ANKRD44: variants seen among roughly 807,000 people sequenced by gnomAD.
ANKRD44 encodes ankyrin repeat domain 44.
In ANKRD44, 35 loss-of-function variants were observed where a neutral mutation model predicts 116.0. The observed-to-expected ratio is 0.30, with a 90% CI of 0.23 to 0.40. The LOEUF (loss-of-function observed/expected upper bound fraction) is 0.40. Ranked by LOEUF, ANKRD44 falls within the 10% of genes least tolerant of loss-of-function variation. ANKRD44 has a pLI of 1.00. For missense variants in ANKRD44, 1,014 were observed against 1,242.6 expected (o/e 0.82, Z 2.77); for synonymous variants, 435 against 461.8 (o/e 0.94, Z 0.74).
At chr2:197,173,611 A>G (rs924893594) in intron 2 of ANKRD44, among the ~76,000 whole-genome samples, 1 of 152,236 alleles carries the variant, frequency 6.6e-6, no homozygotes, top group African/African-American at 2.4e-5. Context: ...AGACCTATAT[A>G]TTGAAATGTA....
intron 2 of ANKRD44, among the ~76,000 whole-genome samples, chr2:197,164,704 T>C (rs72926656): frequency 0.11 from 16,616 of 152,242 alleles, 1,261 homozygotes; most frequent in Middle Eastern, 0.23. Flanking sequence ...TCCGCTCATT[T>C]GGGCCTGCCG....
chr2:197,079,510 C>G (rs2077746097), intron 15 of ANKRD44, among the ~76,000 whole-genome samples: 1 of 152,202 alleles, frequency 6.6e-6, no homozygotes, highest in Non-Finnish European at 1.5e-5. Flanking sequence ...AGGAGCACGG[C>G]TCCACCTTCA....
At chr2:197,039,998 G>A (rs2076880464) in intron 16 of ANKRD44, among the ~76,000 whole-genome samples, 2 of 151,614 alleles carry the variant, frequency 1.3e-5, no homozygotes, top group South Asian at 4.2e-4. Context: ...GGAGGCCGAG[G>A]CGGGCAGATC....
At chr2:197,056,174 A>G (rs1247666997) in intron 16 of ANKRD44, among the ~76,000 whole-genome samples, 2 of 152,098 alleles carry the variant, frequency 1.3e-5, no homozygotes, top group African/African-American at 4.8e-5. Context: ...CAGATTTTTT[A>G]TATCTGGAAG....
chr2:197,125,939 G>A lies in ANKRD44; in HGVS notation c.360C>T (p.Val120=). The stretch of plus-strand genomic sequence containing the variant: ...GGGGAATGATCACTTCTGCACATTT[G>A]ACAGCCTTGTTGGCTGCTGCCACAT... ...PLHVAAANKA[V]KCAEVIIPLL... The change falls in exon 5 of 28, where the codon GTC becomes GTT. Residue 120 remains valine, a synonymous_variant. Coordinates refer to ENST00000282272, the MANE Select transcript of ANKRD44 (RefSeq NM_001195144.2). 6.2e-7 allele frequency: 1 copy of A among 1,614,182 alleles called. No homozygotes were observed.
In ANKRD44 at chr2:197,186,579, C is replaced by G. The variant is rs1442146208; in HGVS notation, c.111+444G>C. ...TCCTGGGCTCAGGCAATCCTCCCAC[C>G]TGTGCCTCCATCACTATGCCCGGCT... On this transcript the variant is annotated intron_variant, in intron 2 of 27. Transcript: ENST00000282272. Among the ~76,000 whole-genome samples the G allele has an allele frequency of 3.4e-5, 5 of 148,984 alleles. No individual in the cohort carries two copies. In the Admixed American group the frequency reaches 3.4e-4, roughly 10 times the overall value.
At chr2:196,998,702 G>A (rs527603328) in intron 24 of ANKRD44, among the ~76,000 whole-genome samples, 3 of 152,252 alleles carry the variant, frequency 2.0e-5, no homozygotes, top group South Asian at 2.1e-4. Context: ...CATTGCAGAA[G>A]GGTTAGCTCT....
chr2:197,081,347 G>C (rs2077790959), intron 15 of ANKRD44, among the ~76,000 whole-genome samples: 1 of 152,136 alleles, frequency 6.6e-6, no homozygotes, highest in African/African-American at 2.4e-5. Context: ...TGTCTTCCTT[G>C]GTACATGATG....
chr2:197,308,885 C>G (rs2084155551), intron 1 of ANKRD44, among the ~76,000 whole-genome samples: 1 of 152,168 alleles, frequency 6.6e-6, no homozygotes, highest in Non-Finnish European at 1.5e-5. Flanking sequence ...GCAGAAAGTA[C>G]AAGCACCTGG....
rs1462912766 is a variant in ANKRD44, at chr2:197,099,919, C to A, written c.997G>T (p.Asp333Tyr). The A allele has an allele frequency of 5.0e-6, 8 of 1,613,934 alleles. No individual in the cohort carries two copies. Among genetic ancestry groups the A allele is most frequent in the Non-Finnish European group, 6.8e-6 (8 of 1,179,948 alleles). ...GTGTTGCCGTCCTTATCCACACAGT[C>A]AATTTCACCTCCTGAAAGAGATATT... ...QTLIQNGGEI[D>Y]CVDKDGNTPL... Residue 333 changes from aspartate (D) to tyrosine (Y), a missense_variant, in exon 10 of 28, where the codon GAC becomes TAC. Transcript: ENST00000282272.
At chr2:197,238,114 C>A (rs1384215652) in intron 1 of ANKRD44, among the ~76,000 whole-genome samples, 3 of 152,220 alleles carry the variant, frequency 2.0e-5, no homozygotes. Context: ...TTCCTGTGCT[C>A]ATGTCACAGT....
chr2:197,157,174 G>GT (rs2079839118), intron 2 of ANKRD44, among the ~76,000 whole-genome samples: 1 of 66,726 alleles, frequency 1.5e-5, no homozygotes, highest in African/African-American at 3.3e-5. Context: ...CTTACGTAAA[G>GT]TAAAAAAAGG....
chr2:197,023,445 G>T (rs1371910329), intron 17 of ANKRD44, among the ~76,000 whole-genome samples: 1 of 152,074 alleles, frequency 6.6e-6, no homozygotes, highest in African/African-American at 2.4e-5. Flanking sequence ...CCTTTCCTGG[G>T]TCTCTGTCAG....
chr2:197,192,064 A>G (rs1324767335), intron 1 of ANKRD44, among the ~76,000 whole-genome samples: 4 of 152,204 alleles, frequency 2.6e-5, no homozygotes, highest in African/African-American at 7.2e-5. Flanking sequence ...TATCCACTCC[A>G]TCCGGCTATG....
intron 12 of ANKRD44, among the ~76,000 whole-genome samples, chr2:197,087,990 A>C (rs1346449071): frequency 4.6e-5 from 7 of 152,234 alleles, no homozygotes; most frequent in Non-Finnish European, 1.0e-4. Context: ...GGTAATATAC[A>C]AATGACAAAT....
At chr2:196,997,175 C>G (rs991888203) in intron 25 of ANKRD44, among the ~76,000 whole-genome samples, 12 of 151,460 alleles carry the variant, frequency 7.9e-5, no homozygotes, top group Non-Finnish European at 1.6e-4. Flanking sequence ...AATCCTAAAT[C>G]TGAAACACTT....
intron 1 of ANKRD44, among the ~76,000 whole-genome samples, chr2:197,242,595 A>C (rs1238823149): frequency 1.3e-5 from 2 of 152,222 alleles, no homozygotes. Flanking sequence ...ACCTTAAAAA[A>C]AGGGCTCATC....
rs184649565 is a variant in ANKRD44 at position 197,297,541 on chromosome 2, C to T, written c.27+13037G>A. 4.6e-5 allele frequency among the ~76,000 whole-genome samples: 7 copies of T among 152,280 alleles called. No individual in the cohort carries two copies. In the East Asian group the frequency reaches 1.2e-3, roughly 25 times the overall value. ...TTTCCCACTTGATTATCACAACTTC[C>T]CCGTAAAGCAAGTATTATTTTACCC... On this transcript the variant is annotated intron_variant, in intron 1 of 27. Coordinates refer to ENST00000282272, the MANE Select transcript of ANKRD44 (RefSeq NM_001195144.2).
rs556751137 is a variant in ANKRD44 at position 197,015,634 on chromosome 2, G to T, written c.1723-1922C>A. On this transcript the variant is annotated intron_variant, in intron 17 of 27. Coordinates refer to ENST00000282272, the MANE Select transcript of ANKRD44 (RefSeq NM_001195144.2). ...CTTTGGTGGAAGAAGAGGCTATGGTGGTGAAGGTGGTGGCAGCAGAGGTAG... is the reference window on the plus strand; with the variant it reads ...CTTTGGTGGAAGAAGAGGCTATGGTTGTGAAGGTGGTGGCAGCAGAGGTAG... 3.1e-4 allele frequency: 175 copies of T among 560,972 alleles called. 1 individual carries two copies. In the South Asian group the frequency reaches 3.4e-3, roughly 11 times the overall value. The allele number at this position is 560,972 out of a possible 1,614,324, so 34.7% of individuals were successfully genotyped here.
Sources: allele counts gnomAD v4.1 joint callset (sites outside exome capture counted in the v4.1 genomes callset), GRCh38; gene constraint gnomAD v4.1.1; transcripts MANE v1.5; gene names NCBI Gene and HGNC (gene_info 2026-07-23, HGNC 2026-07-21).